Variants in SGCD observed in about 807,000 individuals in gnomAD.
SGCD encodes the protein delta-sarcoglycan.
SGCD carries 18 observed loss-of-function variants against 36.6 expected under a neutral mutation model. The observed-to-expected ratio is 0.49, with a 90% confidence interval of 0.34 to 0.73. The LOEUF (loss-of-function observed/expected upper bound fraction) is 0.73, where lower values mean the gene tolerates loss of function less well. Among genes scored for constraint, SGCD ranks in the 30% least tolerant of loss-of-function variants. The pLI is 0.01. For missense variants in SGCD, 387 were observed against 346.7 expected (o/e 1.12, Z -0.92); for synonymous variants, 133 against 130.6 (o/e 1.02, Z -0.12).
At chr5:156,146,462 C>T (rs577219891) in intron 3 of SGCD, among the ~76,000 whole-genome samples, 43 of 152,106 alleles carry the variant, frequency 2.8e-4, no homozygotes, top group African/African-American at 8.2e-4. Flanking sequence ...AGGGAATAAG[C>T]GGTGAAGGAA....
the SGCD span, among the ~76,000 whole-genome samples, chr5:155,815,473 G>C: frequency 6.6e-6 from 1 of 152,158 alleles, no homozygotes. Context: ...AAAATTGGCA[G>C]TAAAGTGTTA....
chr5:156,370,123 T>G (rs1770303161), intron 3 of SGCD, among the ~76,000 whole-genome samples: 1 of 152,214 alleles, frequency 6.6e-6, no homozygotes, highest in Non-Finnish European at 1.5e-5. Context: ...CATCCAAGTT[T>G]AAGGTCGCAG....
At chr5:156,674,540 A>G (rs1753432753) in intron 7 of SGCD, among the ~76,000 whole-genome samples, 1 of 152,168 alleles carries the variant, frequency 6.6e-6, no homozygotes. Context: ...CGGACATCCC[A>G]TCACTGAGAG....
intron 1 of SGCD, among the ~76,000 whole-genome samples, chr5:155,996,020 A>G (rs886184701): frequency 1.3e-5 from 2 of 151,524 alleles, no homozygotes; most frequent in Non-Finnish European, 1.5e-5. Context: ...ACTTACAAAA[A>G]AAAAAAAACC....
At chr5:156,175,913 T>G (rs1451051630) in intron 3 of SGCD, among the ~76,000 whole-genome samples, 2 of 152,008 alleles carry the variant, frequency 1.3e-5, no homozygotes, top group Admixed American at 6.6e-5. Context: ...CATTCTTACC[T>G]AAATAAGCAT....
chr5:155,876,483 C>T (rs1258173008), intron 1 of SGCD, among the ~76,000 whole-genome samples: 1 of 152,020 alleles, frequency 6.6e-6, no homozygotes, highest in Non-Finnish European at 1.5e-5. Flanking sequence ...TTCTAAAGTG[C>T]CTCAAATCAA....
At chr5:156,756,912 G>A (rs1157358360) in intron 7 of SGCD, among the ~76,000 whole-genome samples, 1 of 152,186 alleles carries the variant, frequency 6.6e-6, no homozygotes, top group East Asian at 1.9e-4. Flanking sequence ...GTTAAGGCCT[G>A]AGGCTTTCTT....
At chr5:156,654,593 A>C (rs531498490) in intron 7 of SGCD, among the ~76,000 whole-genome samples, 48 of 152,248 alleles carry the variant, frequency 3.2e-4, no homozygotes, top group Middle Eastern at 6.8e-3. Flanking sequence ...CCTTAAATTT[A>C]AAATAGCAAG....
At chr5:156,272,257 T>C (rs1415818947) in intron 3 of SGCD, among the ~76,000 whole-genome samples, 1 of 152,208 alleles carries the variant, frequency 6.6e-6, no homozygotes, top group South Asian at 2.1e-4. Context: ...CACTTATAAG[T>C]GAGAACATGT....
intron 3 of SGCD, among the ~76,000 whole-genome samples, chr5:156,271,307 G>A (rs1173062610): frequency 1.3e-5 from 2 of 151,946 alleles, no homozygotes; most frequent in African/African-American, 4.8e-5. Flanking sequence ...AGATTGTTTT[G>A]TTGCCTTTCT....
chr5:156,469,304 G>T (rs562653290), intron 3 of SGCD, among the ~76,000 whole-genome samples: 1 of 152,138 alleles, frequency 6.6e-6, no homozygotes, highest in Non-Finnish European at 1.5e-5. Flanking sequence ...TTAACAAATC[G>T]TGTTATTAAA....
chr5:156,589,203 A>ATTATTTTC lies in SGCD; in HGVS notation c.295-27_295-26insTATTTTCT, dbSNP rs1311986262. On this transcript the variant is annotated intron_variant, in intron 4 of 8. Coordinates refer to ENST00000337851, the MANE Select transcript of SGCD (RefSeq NM_000337.6). ...TTTTGTTTAGAAATCTATCATTTTCATGTCTTTCTCTTATTTTCTTATTGC... is the reference window on the plus strand; with the variant it reads ...TTTTGTTTAGAAATCTATCATTTTCATTATTTTCTGTCTTTCTCTTATTTTCTTATTGC... 260 of 1,445,362 alleles carry ATTATTTTC rather than the reference A, an allele frequency of 1.8e-4. 1 individual carries two copies. The highest frequency in any genetic ancestry group is 2.4e-4 in the Non-Finnish European group (252 of 1,049,624). 89.5% of individuals were successfully genotyped at this position (1,445,362 alleles called of 1,614,324 possible). A position where few individuals can be genotyped will look rare whatever the true frequency, so the allele number is the denominator to read the frequency against.
intron 3 of SGCD, among the ~76,000 whole-genome samples, chr5:156,493,010 G>C (rs1756014845): frequency 1.3e-5 from 2 of 152,098 alleles, no homozygotes; most frequent in African/African-American, 4.8e-5. Context: ...TGTGAACAGT[G>C]CCGCAATAAA....
chr5:156,381,678 A>G (rs1318687673), intron 3 of SGCD, among the ~76,000 whole-genome samples: 1 of 152,232 alleles, frequency 6.6e-6, no homozygotes, highest in Non-Finnish European at 1.5e-5. Context: ...ACTTTAATAT[A>G]GAAGTCATAA....
chr5:156,247,456 A>G (rs993872041), intron 3 of SGCD, among the ~76,000 whole-genome samples: 1 of 152,234 alleles, frequency 6.6e-6, no homozygotes, highest in Non-Finnish European at 1.5e-5. Flanking sequence ...TTAGTAGAAC[A>G]AGAAGAATGT....
At position 156,022,883 on chromosome 5, in the gene SGCD, T is replaced by C. The variant is rs56256824; in HGVS notation, c.-281-94995T>C. Among the ~76,000 whole-genome samples the C allele has an allele frequency of 8.1e-3, 1,230 of 152,342 alleles. 16 individuals carry two copies. The highest frequency in any genetic ancestry group is 0.028 in the African/African-American group (1,164 of 41,572). ...CACCCTGGAAAATAATCTTCTGCTG[T>C]CAGATTACTATGAATCGCACAGAGT... is the stretch of plus-strand genomic sequence containing the variant. On this transcript the variant is annotated intron_variant, in intron 1 of 9. Coordinates refer to the SGCD transcript ENST00000517913.
chr5:156,382,453 C>T (rs1354913048), intron 3 of SGCD, among the ~76,000 whole-genome samples: 1 of 152,142 alleles, frequency 6.6e-6, no homozygotes, highest in African/African-American at 2.4e-5. Flanking sequence ...GGAGAACACT[C>T]TTTGGTGTCT....
At chr5:155,985,995 C>T (rs1464762603) in intron 1 of SGCD, among the ~76,000 whole-genome samples, 1 of 152,112 alleles carries the variant, frequency 6.6e-6, no homozygotes, top group Non-Finnish European at 1.5e-5. Flanking sequence ...TTTTGGAATG[C>T]TTCTACTCCT....
the SGCD span, among the ~76,000 whole-genome samples, chr5:155,730,195 T>G: frequency 2.0e-5 from 3 of 152,132 alleles, no homozygotes; most frequent in Non-Finnish European, 4.4e-5. Flanking sequence ...TGAAAAAGTT[T>G]CACCTGAACT....
Sources: gnomAD v4.1 joint callset for allele counts (sites outside exome capture counted in the v4.1 genomes callset) on GRCh38, gnomAD v4.1.1 for gene constraint, MANE v1.5 for transcripts, NCBI Gene and HGNC (gene_info 2026-07-23, HGNC 2026-07-21) for gene names.